The following RTL1 variants were observed in gnomAD, a reference collection of about 807,000 sequenced individuals.
The protein encoded by RTL1 is retrotransposon-like protein 1.
For synonymous variants in RTL1, 727 were observed against 748.4 expected (o/e 0.97, Z 0.47); for missense variants, 1,681 against 1,767.5 (o/e 0.95, Z 0.88).
rs1243950215 is a variant in RTL1, at chr14:100,883,476, A to G, written c.1313T>C (p.Met438Thr). 1.3e-6 allele frequency: 2 copies of G among 1,551,150 alleles called. No individual in the cohort carries two copies. The highest frequency in any genetic ancestry group is 2.7e-5 in the African/African-American group (2 of 73,006). The change falls in exon 4 of 4, where the codon ATG becomes ACG. Residue 438 changes from methionine to threonine, a missense_variant. By Grantham distance (81) the Met-to-Thr change is moderately conservative. Transcript: ENST00000649591. The surrounding 1 kb of genome is among the most constrained non-coding windows in gnomAD (Gnocchi z 5.9). ...GTGCTCTTGGGCGAACTTCTCATCC[A>G]TGAAGTTGCCGTCAGCTCCCGAATC... Reference protein sequence around the residue: ...LVDSGADGNFMDEKFAQEHYV... With the variant: ...LVDSGADGNFTDEKFAQEHYV...
At position 100,880,472 on chromosome 14, in the gene RTL1, G is replaced by A. The variant is rs1342447867; in HGVS notation, c.*240C>T. ...GGCATGGGCTTGGGACCTGGAGAAC[G>A]GAGAACTCGTAGCCCAGGGCTGGCG... is the stretch of plus-strand genomic sequence containing the variant. On this transcript the variant is annotated 3_prime_UTR_variant, in exon 4 of 4. Transcript: ENST00000649591. The A allele has an allele frequency of 1.3e-5, 4 of 303,322 alleles. No individual in the cohort carries two copies. The highest frequency in any genetic ancestry group is 1.3e-4 in the South Asian group (1 of 7,766). The allele number at this position is 303,322 out of a possible 1,614,324, so 18.8% of individuals were successfully genotyped here.
chr14:100,882,540 C>T lies in RTL1; in HGVS notation c.2249G>A (p.Arg750His), dbSNP rs1051383425. 5.8e-6 allele frequency: 9 copies of T among 1,551,576 alleles called. No homozygotes were observed. Among genetic ancestry groups the T allele is most frequent in the African/African-American group, 2.7e-5 (2 of 72,992 alleles). Residue 750 changes from arginine (R) to histidine (H), a missense_variant, in exon 4 of 4, where the codon CGC becomes CAC. Physicochemically the swap from Arg to His is conservative, Grantham distance 29 (BLOSUM62 0). Transcript: ENST00000649591. ...MSQEEHLHHV[R>H]QVLVRFRHHN... is the part of the protein sequence containing the mutation. ...ATGGCGGAAGCGGACCAGGACTTGG[C>T]GGACGTGGTGGAGGTGCTCCTCCTG...
At chr14:100,889,332 C>T (rs2038736929) in intron 3 of RTL1, among the ~76,000 whole-genome samples, 3 of 152,186 alleles carry the variant, frequency 2.0e-5, no homozygotes, top group East Asian at 1.9e-4. Flanking sequence ...ATCTAAATGC[C>T]TGAGCATGAA....
chr14:100,901,512 G>T (rs1490656353), intron 2 of RTL1, among the ~76,000 whole-genome samples: 1 of 152,200 alleles, frequency 6.6e-6, no homozygotes, highest in Admixed American at 6.5e-5. Flanking sequence ...CGGCACCCCA[G>T]CCCTGTCACT....
At chr14:100,890,324 G>A (rs1448305147) in intron 3 of RTL1, among the ~76,000 whole-genome samples, 2 of 151,726 alleles carry the variant, frequency 1.3e-5, no homozygotes, top group Non-Finnish European at 2.9e-5. Context: ...GCCATGGGGG[G>A]GACAAATCCC....
At chr14:100,888,488 A>G (rs1003011699) in intron 3 of RTL1, among the ~76,000 whole-genome samples, 11 of 152,244 alleles carry the variant, frequency 7.2e-5, no homozygotes, top group Non-Finnish European at 1.5e-4. Flanking sequence ...AGTTATTAAC[A>G]TGATATAAAA....
chr14:100,896,214 T>C (rs1404210578), intron 2 of RTL1, among the ~76,000 whole-genome samples: 1 of 152,200 alleles, frequency 6.6e-6, no homozygotes, highest in Non-Finnish European at 1.5e-5. Flanking sequence ...GAGCGAGGCA[T>C]GCAGGCCGAG....
Position 100,884,219 on chromosome 14 carries a change from G to C in RTL1, c.570C>G (p.Ile190Met). The C allele has an allele frequency of 6.4e-7, 1 of 1,551,764 alleles. No individual in the cohort carries two copies. Among genetic ancestry groups the C allele is most frequent in the Non-Finnish European group, 8.7e-7 (1 of 1,146,994 alleles). The change falls in exon 4 of 4, where the codon ATC becomes ATG. Residue 190 changes from isoleucine to methionine, a missense_variant. Transcript: ENST00000649591. Reference sequence around the variant, plus strand: ...GGCCTGCATTGATCCCTTTGATCAAGATCTCTTCTGCTACTCTCTGTTGCT... The same window carrying C: ...GGCCTGCATTGATCCCTTTGATCAACATCTCTTCTGCTACTCTCTGTTGCT... Reference protein sequence around the residue: ...LKEQQRVAEEILIKGINAGQL... With the variant: ...LKEQQRVAEEMLIKGINAGQL...
chr14:100,884,381 C>T lies in RTL1; in HGVS notation c.408G>A (p.Glu136=), dbSNP rs754406752. ...CCGATTCCTTCAGGTCAGTGTGAGC[C>T]TCTTGTTCTTCTCGGGCTCCCGATG... The part of the protein sequence containing the change: ...VNPSGAREEQ[E]AHTDLKESGR... Residue 136 remains glutamate (E), a synonymous_variant, in exon 4 of 4, where the codon GAG becomes GAA. Coordinates refer to ENST00000649591, the MANE Select transcript of RTL1 (RefSeq NM_001134888.3). 1.3e-6 allele frequency: 2 copies of T among 1,581,222 alleles called. No individual in the cohort carries two copies. The highest frequency in any genetic ancestry group is 1.7e-4 in the Middle Eastern group (1 of 6,028).
chr14:100,894,246 G>A (rs540103028), intron 2 of RTL1, among the ~76,000 whole-genome samples: 78 of 149,902 alleles, frequency 5.2e-4, no homozygotes, highest in Middle Eastern at 6.9e-3. Context: ...AGAGATGGAG[G>A]CTGCAGTGAG....
At chr14:100,891,195 A>C (rs1298783272) in intron 3 of RTL1, among the ~76,000 whole-genome samples, 1 of 152,030 alleles carries the variant, frequency 6.6e-6, no homozygotes, top group Non-Finnish European at 1.5e-5. Context: ...GGACCCTTCA[A>C]TCTTGCACAC....
chr14:100,887,225 A>G (rs1407278288), intron 3 of RTL1, among the ~76,000 whole-genome samples: 1 of 152,146 alleles, frequency 6.6e-6, no homozygotes, highest in Non-Finnish European at 1.5e-5. Flanking sequence ...TTAATTCCAA[A>G]CCTCTTCGCA....
rs1236456627 is a variant in RTL1 at position 100,884,848 on chromosome 14, A to G, written c.-60T>C. 1 of 1,471,866 alleles carries G rather than the reference A, an allele frequency of 6.8e-7. No individual in the cohort carries two copies. The highest frequency in any genetic ancestry group is 1.4e-5 in the African/African-American group (1 of 71,054). 91.2% of individuals were successfully genotyped at this position (1,471,866 alleles called of 1,614,324 possible). On this transcript the variant is annotated 5_prime_UTR_variant, in exon 4 of 4. Transcript: ENST00000649591. ...GGTAAGGTTGTGATGGCGTCCAGTC[A>G]GTAGCTGGGACCGTGGAGATCAGAA...
rs563718739 is a variant in RTL1, at chr14:100,884,861, G to A, written c.-73C>T. The A allele has an allele frequency of 1.3e-5, 18 of 1,394,964 alleles. No individual in the cohort carries two copies. The highest frequency in any genetic ancestry group is 2.9e-5 in the African/African-American group (2 of 69,492). The allele number at this position is 1,394,964 out of a possible 1,614,324, so 86.4% of individuals were successfully genotyped here. ...TGGCGTCCAGTCAGTAGCTGGGACC[G>A]TGGAGATCAGAACCTGGTGGTGGAA... On this transcript the variant is annotated 5_prime_UTR_variant, in exon 4 of 4. The change creates a new upstream start codon in the 5' untranslated region. Transcript: ENST00000649591.
intron 2 of RTL1, among the ~76,000 whole-genome samples, chr14:100,902,866 G>A (rs1363149758): frequency 6.6e-6 from 1 of 152,194 alleles, no homozygotes; most frequent in Non-Finnish European, 1.5e-5. Flanking sequence ...GGGACCCAGG[G>A]AGGGAGAGAG....
At chr14:100,897,370 G>A (rs998165809) in intron 2 of RTL1, among the ~76,000 whole-genome samples, 5 of 151,936 alleles carry the variant, frequency 3.3e-5, no homozygotes, top group Admixed American at 2.6e-4. Flanking sequence ...ATTAATACAC[G>A]CATTAGTAAA....
rs1381626566 is a variant in RTL1, at chr14:100,881,221, G to A, written c.3568C>T (p.Pro1190Ser). 3 of 1,546,540 alleles carry A rather than the reference G, an allele frequency of 1.9e-6. No homozygotes were observed. The highest frequency in any genetic ancestry group is 2.0e-5 in the Admixed American group (1 of 50,786). ...SQAHRGLQFT[P>S]GFWLTLCEFF... ...TCACACAGCGTCAGCCAGAAGCCAGGGGTGAACTGCAGGCCTCGGTGGGCC... is the reference window on the plus strand; with the variant it reads ...TCACACAGCGTCAGCCAGAAGCCAGAGGTGAACTGCAGGCCTCGGTGGGCC... The change falls in exon 4 of 4, where the codon CCT (proline) becomes TCT (serine). Residue 1190 changes from proline (P) to serine (S), a missense_variant. Physicochemically the swap from Pro to Ser is moderately conservative, Grantham distance 74 (BLOSUM62 -1). Transcript: ENST00000649591. This position sits in a 1 kb window ranked among gnomAD's most constrained non-coding sequence, Gnocchi z 6.6.
chr14:100,882,130 G>A lies in RTL1; in HGVS notation c.2659C>T (p.His887Tyr). The A allele has an allele frequency of 6.4e-7, 1 of 1,554,466 alleles. No homozygotes were observed. The change falls in exon 4 of 4, where the codon CAC becomes TAC. Residue 887 changes from histidine (H) to tyrosine (Y), a missense_variant. Coordinates refer to ENST00000649591, the MANE Select transcript of RTL1 (RefSeq NM_001134888.3). ...TCGTCGATTTGGATCAGGGAGGCGTGCAGGGCCGTGCCGGTGACGCCGGTT... is the reference window on the plus strand; with the variant it reads ...TCGTCGATTTGGATCAGGGAGGCGTACAGGGCCGTGCCGGTGACGCCGGTT... ...LETGVTGTAL[H>Y]ASLIQIDDQT...
Position 100,882,727 on chromosome 14 carries a change from C to T in RTL1, c.2062G>A (p.Ala688Thr), listed in dbSNP as rs1179711939. 2 of 1,551,876 alleles carry T rather than the reference C, an allele frequency of 1.3e-6. No individual in the cohort carries two copies. Among genetic ancestry groups the T allele is most frequent in the Non-Finnish European group, 1.7e-6 (2 of 1,147,076 alleles). ...TCTTCAAGCTCCAAACCAAACGCTG[C>T]TTTCCACACATCTTCGGTGCGGTGC... ...NGHRTEDVWKAAFGLELEEMK... is the reference protein window; with the variant it reads ...NGHRTEDVWKTAFGLELEEMK... Residue 688 changes from alanine to threonine, a missense_variant, in exon 4 of 4, where the codon GCA (alanine) becomes ACA (threonine). Coordinates refer to ENST00000649591, the MANE Select transcript of RTL1 (RefSeq NM_001134888.3).
Sources: gnomAD v4.1 joint callset for allele counts (sites outside exome capture counted in the v4.1 genomes callset) on GRCh38, gnomAD v4.1.1 for gene constraint, Gnocchi (gnomAD v3.1) non-coding constraint, MANE v1.5 for transcripts, NCBI Gene and HGNC (gene_info 2026-07-23, HGNC 2026-07-21) for gene names.